Variants in ELOVL7 observed in about 807,000 individuals in gnomAD.
ELOVL7 encodes the protein ELOVL fatty acid elongase 7.
In ELOVL7, 27 loss-of-function variants were observed where a neutral mutation model predicts 35.7. The ratio of observed to expected loss-of-function variants is 0.76; its 90% CI spans 0.56 to 1.04. ELOVL7 has a LOEUF of 1.04. Among genes scored for constraint, ELOVL7 ranks in the 50% least tolerant of loss-of-function variants. The pLI is 0.00. For synonymous variants in ELOVL7, 113 were observed against 114.6 expected (o/e 0.99, Z 0.09); for missense variants, 327 against 340.8 (o/e 0.96, Z 0.32).
intron 4 of ELOVL7, among the ~76,000 whole-genome samples, chr5:60,770,026 G>C (rs916812049): frequency 6.6e-6 from 1 of 150,696 alleles, no homozygotes; most frequent in African/African-American, 2.5e-5. Flanking sequence ...ACTCCAGCTT[G>C]GGTGACAGAG....
At position 60,772,133 on chromosome 5, in the gene ELOVL7, C is replaced by T. The variant is rs373317713; in HGVS notation, c.65-40G>A. The T allele has an allele frequency of 5.5e-5, 76 of 1,380,832 alleles. No homozygotes were observed. The African/African-American group carries it at 9.0e-4, about 16-fold the overall frequency. 85.5% of individuals were successfully genotyped at this position (1,380,832 alleles called of 1,614,324 possible). A position where few individuals can be genotyped will look rare whatever the true frequency, so the allele number is the denominator to read the frequency against. On this transcript the variant is annotated intron_variant, in intron 3 of 8. Coordinates refer to ENST00000508821, the MANE Select transcript of ELOVL7 (RefSeq NM_024930.3). ...ATATGTGAGTACACACCTGCTTAGC[C>T]AAGGGGTAACTAACAGCAACCAACA... is the stretch of plus-strand genomic sequence containing the variant.
chr5:60,754,776 T>G lies in ELOVL7; in HGVS notation c.694A>C (p.Lys232Gln). ...ISQFFFMEDC[K>Q]YQFPVFACII... is the part of the protein sequence containing the mutation. ...CACGCAAAGACTGGAAACTGATACT[T>G]GCAATCCTCCATGAAAAAGAACTGG... is the stretch of plus-strand genomic sequence containing the variant. Residue 232 changes from lysine (K) to glutamine (Q), a missense_variant, in exon 9 of 9, where the codon AAG becomes CAG. Transcript: ENST00000508821. 6.2e-7 allele frequency: 1 copy of G among 1,614,136 alleles called. No individual in the cohort carries two copies. The highest frequency in any genetic ancestry group is 8.5e-7 in the Non-Finnish European group (1 of 1,180,016).
intron 1 of ELOVL7, among the ~76,000 whole-genome samples, chr5:60,833,029 G>A (rs551949836): frequency 3.3e-5 from 5 of 152,074 alleles, no homozygotes; most frequent in Admixed American, 6.6e-5. Context: ...CATAATCCTC[G>A]CCCTGCCGTA....
In ELOVL7 at chr5:60,833,354, A is replaced by G. The variant is rs1021468448; in HGVS notation, c.-86+10806T>C. Among the ~76,000 whole-genome samples, 8 of 152,156 alleles carry G rather than the reference A, an allele frequency of 5.3e-5. No homozygotes were observed. The South Asian group carries it at 6.2e-4, about 12-fold the overall frequency. On this transcript the variant is annotated intron_variant, in intron 1 of 8. Transcript: ENST00000508821. ...CTAATGTTTCTCTGAAAAATGACCA[A>G]CATGCCCATGACCCAGCAAAGGCTT... is the stretch of plus-strand genomic sequence containing the variant.
At chr5:60,763,550 T>C (rs970998674) in intron 7 of ELOVL7, among the ~76,000 whole-genome samples, 3 of 152,190 alleles carry the variant, frequency 2.0e-5, no homozygotes, top group Admixed American at 6.6e-5. Context: ...GAATATATCC[T>C]TGGGGATATC....
At chr5:60,822,372 A>T (rs1482129565) in intron 1 of ELOVL7, among the ~76,000 whole-genome samples, 2 of 152,244 alleles carry the variant, frequency 1.3e-5, no homozygotes, top group Non-Finnish European at 2.9e-5. Context: ...AGCCTGTACC[A>T]GAAGAATCCC....
At position 60,787,365 on chromosome 5, in the gene ELOVL7, C is replaced by T. The variant is rs771876090; in HGVS notation, c.33G>A (p.Val11=). The T allele has an allele frequency of 1.2e-6, 2 of 1,605,988 alleles. No homozygotes were observed. Among genetic ancestry groups the T allele is most frequent in the African/African-American group, 2.7e-5 (2 of 74,592 alleles). Residue 11 remains valine (V), a synonymous_variant, in exon 3 of 9, where the codon GTG becomes GTA. Coordinates refer to ENST00000508821, the MANE Select transcript of ELOVL7 (RefSeq NM_024930.3). The part of the protein sequence containing the change: MAFSDLTSRT[V]HLYDNWIKDA... ...CTTTGATCCAATTATCATAAAGATG[C>T]ACAGTCCTCGATGTAAGATCACTGA... is the stretch of plus-strand genomic sequence containing the variant.
chr5:60,825,924 G>C (rs1288172363), intron 1 of ELOVL7, among the ~76,000 whole-genome samples: 2 of 152,242 alleles, frequency 1.3e-5, no homozygotes, highest in African/African-American at 4.8e-5. Flanking sequence ...AGCAAGAATT[G>C]GCAGTCATAG....
intron 1 of ELOVL7, among the ~76,000 whole-genome samples, chr5:60,827,047 A>G (rs192670093): frequency 7.9e-5 from 12 of 152,296 alleles, no homozygotes; most frequent in Admixed American, 2.6e-4. Context: ...CATTTATTCC[A>G]TGTCTGCAAA....
At chr5:60,843,642 G>C (rs867535826) in intron 1 of ELOVL7, 8 of 152,344 alleles carry the variant, frequency 5.3e-5, no homozygotes, top group African/African-American at 1.4e-4. Context: ...CCGGAATTTG[G>C]GGGGGTGGCT....
chr5:60,839,985 G>A (rs1032335179), intron 1 of ELOVL7, among the ~76,000 whole-genome samples: 1 of 152,096 alleles, frequency 6.6e-6, no homozygotes, highest in African/African-American at 2.4e-5. Flanking sequence ...GGGTGACAGA[G>A]AGAGACCCTG....
intron 3 of ELOVL7, among the ~76,000 whole-genome samples, chr5:60,773,232 C>T (rs1742704091): frequency 6.6e-6 from 1 of 152,150 alleles, no homozygotes; most frequent in Admixed American, 6.5e-5. Context: ...GACAAGTTCC[C>T]AGAAGGACCT....
At chr5:60,791,072 G>A (rs545732904) in intron 2 of ELOVL7, among the ~76,000 whole-genome samples, 1 of 152,260 alleles carries the variant, frequency 6.6e-6, no homozygotes, top group African/African-American at 2.4e-5. Flanking sequence ...AACTGCCCAG[G>A]CTCAAGTGAT....
chr5:60,764,732 T>C (rs1742134624), intron 6 of ELOVL7, among the ~76,000 whole-genome samples: 1 of 152,160 alleles, frequency 6.6e-6, no homozygotes, highest in African/African-American at 2.4e-5. Flanking sequence ...TAATACATCT[T>C]ACTGATATGG....
intron 1 of ELOVL7, among the ~76,000 whole-genome samples, chr5:60,826,065 T>C (rs1241945987): frequency 2.6e-5 from 4 of 152,240 alleles, no homozygotes; most frequent in African/African-American, 9.6e-5. Flanking sequence ...TCTTTCCTAT[T>C]ACAAATCTGA....
chr5:60,754,852 A>C lies in ELOVL7; in HGVS notation c.637-19T>G, dbSNP rs1431163782. The C allele has an allele frequency of 3.8e-6, 6 of 1,593,904 alleles. No individual in the cohort carries two copies. In the Admixed American group the frequency reaches 1.0e-4, roughly 27 times the overall value. ...ACTGGACCTAAGAAATGAAAACGTGAAAAAAAATTATTCAGATATGAAGAG... is the reference window on the plus strand; with the variant it reads ...ACTGGACCTAAGAAATGAAAACGTGCAAAAAAATTATTCAGATATGAAGAG... On this transcript the variant is annotated intron_variant, in intron 8 of 8. Coordinates refer to ENST00000508821, the MANE Select transcript of ELOVL7 (RefSeq NM_024930.3).
In ELOVL7 at chr5:60,839,670, A is replaced by G. The variant is rs142175668; in HGVS notation, c.-86+4490T>C. On this transcript the variant is annotated intron_variant, in intron 1 of 8. Transcript: ENST00000508821. ...GCTATTCTCAGTTTAACATGCTACC[A>G]TTTACCATGGCTCCGGAATTCCGTG... is the stretch of plus-strand genomic sequence containing the variant. Among the ~76,000 whole-genome samples the G allele has an allele frequency of 7.2e-5, 11 of 152,322 alleles. 1 individual carries two copies. The East Asian group carries it at 2.1e-3, about 29-fold the overall frequency.
chr5:60,781,418 A>T (rs551447117), intron 3 of ELOVL7, among the ~76,000 whole-genome samples: 1 of 152,256 alleles, frequency 6.6e-6, no homozygotes, highest in African/African-American at 2.4e-5. Flanking sequence ...TTGCTGAATG[A>T]GAGATATATT....
chr5:60,809,587 A>T (rs747126757), intron 1 of ELOVL7, among the ~76,000 whole-genome samples: 1 of 152,232 alleles, frequency 6.6e-6, no homozygotes, highest in Non-Finnish European at 1.5e-5. Flanking sequence ...AGGAAGAAAG[A>T]AGATAGTAGA....
Sources: gnomAD v4.1 joint callset for allele counts (sites outside exome capture counted in the v4.1 genomes callset) on GRCh38, gnomAD v4.1.1 for gene constraint, MANE v1.5 for transcripts, NCBI Gene and HGNC (gene_info 2026-07-23, HGNC 2026-07-21) for gene names.